CREBBP: variants seen among roughly 807,000 people sequenced by gnomAD.
The protein encoded by CREBBP is CREB-binding protein.
In CREBBP, 19 loss-of-function variants were observed where a neutral mutation model predicts 265.0. That is an observed-to-expected ratio of 0.07 (90% CI 0.05 to 0.11). The LOEUF (loss-of-function observed/expected upper bound fraction) is 0.11, where lower values mean the gene tolerates loss of function less well. Among genes scored for constraint, CREBBP ranks in the 10% least tolerant of loss-of-function variants. CREBBP has a pLI of 1.00. For synonymous variants in CREBBP, 1,457 were observed against 1,223.7 expected (o/e 1.19, Z -3.98); for missense variants, 2,525 against 3,219.0 (o/e 0.78, Z 5.22).
chr16:3,853,274 C>T (rs1178689248), intron 1 of CREBBP, among the ~76,000 whole-genome samples: 1 of 152,164 alleles, frequency 6.6e-6, no homozygotes, highest in Non-Finnish European at 1.5e-5. Context: ...ATTATTATTA[C>T]TGCTATCCAT....
intron 2 of CREBBP, among the ~76,000 whole-genome samples, chr16:3,831,725 G>T (rs974986059): frequency 1.3e-5 from 2 of 152,102 alleles, no homozygotes; most frequent in Admixed American, 6.6e-5. Flanking sequence ...GGCCGGGCAT[G>T]GTGGCTCACA....
intron 2 of CREBBP, among the ~76,000 whole-genome samples, chr16:3,845,106 T>C (rs987420307): frequency 1.3e-5 from 2 of 152,228 alleles, no homozygotes; most frequent in Non-Finnish European, 2.9e-5. Flanking sequence ...TAAATTTATC[T>C]AACACAGTGG....
intron 28 of CREBBP, among the ~76,000 whole-genome samples, chr16:3,735,426 A>T (rs2052030037): frequency 6.6e-6 from 1 of 152,026 alleles, no homozygotes; most frequent in South Asian, 2.1e-4. Flanking sequence ...CCTCCCTCGT[A>T]GCTGGGATTA....
chr16:3,877,218 A>G (rs938997721), intron 1 of CREBBP, among the ~76,000 whole-genome samples: 3 of 152,204 alleles, frequency 2.0e-5, no homozygotes, highest in Non-Finnish European at 4.4e-5. Context: ...ACATCCCGTC[A>G]CTAAAATAAG....
Position 3,850,958 on chromosome 16 carries a change from G to A in CREBBP, c.137C>T (p.Pro46Leu). ...LENDLPDELI[P>L]NGGELGLLNS... ...TAAAAGGCCTAATTCTCCTCCATTG[G>A]GTATCAGCTCATCAGGAAGATCATT... The change falls in exon 2 of 31, where the codon CCC becomes CTC. Residue 46 changes from proline (P) to leucine (L), a missense_variant. Pro to Leu is a moderately conservative substitution (Grantham distance 98). Around this residue, in one of 19 missense-constraint regions of CREBBP, gnomAD observed 356 missense variants for 340.4 expected, o/e 1.05. Transcript: ENST00000262367. 1.2e-6 allele frequency: 2 copies of A among 1,614,092 alleles called. No individual in the cohort carries two copies. Among genetic ancestry groups the A allele is most frequent in the Non-Finnish European group, 1.7e-6 (2 of 1,180,008 alleles).
At chr16:3,842,682 T>G (rs2054587031) in intron 2 of CREBBP, among the ~76,000 whole-genome samples, 1 of 152,042 alleles carries the variant, frequency 6.6e-6, no homozygotes, top group East Asian at 1.9e-4. Context: ...AGAAATGAGA[T>G]GGCAGTGCAC....
At chr16:3,852,165 T>TTG (rs1567364469) in intron 1 of CREBBP, among the ~76,000 whole-genome samples, 2 of 108,970 alleles carry the variant, frequency 1.8e-5, no homozygotes, top group Non-Finnish European at 4.1e-5. Flanking sequence ...TTGTTTTTTT[T>TTG]TTTTTTTTTT....
intron 14 of CREBBP, 142 bp from the exon 15 acceptor site, chr16:3,769,495 C>T (rs2052946717): frequency 9.7e-7 from 1 of 1,034,116 alleles, no homozygotes; most frequent in Non-Finnish European, 1.5e-6. Context: ...AACCGAAGAA[C>T]AGGGGTTAAA....
rs1368073022 is a variant in CREBBP, at chr16:3,782,782, T to G, written c.1475A>C (p.Tyr492Ser). 2 of 1,614,116 alleles carry G rather than the reference T, an allele frequency of 1.2e-6. No individual in the cohort carries two copies. The highest frequency in any genetic ancestry group is 3.3e-5 in the Admixed American group (2 of 60,004). ...QRAYAALGLP[Y>S]MNQPQTQLQP... Reference sequence around the variant, plus strand: ...CAGCTGCGTCTGGGGCTGGTTCATGTAGGGGAGTCCGAGAGCAGCATAGGC... The same window carrying G: ...CAGCTGCGTCTGGGGCTGGTTCATGGAGGGGAGTCCGAGAGCAGCATAGGC... The change falls in exon 6 of 31, where the codon TAC (tyrosine) becomes TCC (serine). Residue 492 changes from tyrosine (Y) to serine (S), a missense_variant. Coordinates refer to ENST00000262367, the MANE Select transcript of CREBBP (RefSeq NM_004380.3).
chr16:3,750,590 C>A, intron 20 of CREBBP, among the ~76,000 whole-genome samples: 1 of 152,168 alleles, frequency 6.6e-6, no homozygotes, highest in East Asian at 1.9e-4. Flanking sequence ...CTTTTTCTTG[C>A]CACACAGTGG....
At position 3,798,289 on chromosome 16, in the gene CREBBP, C is replaced by G. The variant is rs570789764; in HGVS notation, c.976-4663G>C. Among the ~76,000 whole-genome samples, 4 of 151,912 alleles carry G rather than the reference C, an allele frequency of 2.6e-5. No homozygotes were observed. The South Asian group carries it at 8.3e-4, about 32-fold the overall frequency. On this transcript the variant is annotated intron_variant, in intron 3 of 30. Coordinates refer to ENST00000262367, the MANE Select transcript of CREBBP (RefSeq NM_004380.3). ...GATTAGGCAGTTTCTTACTACGTCA[C>G]CAAAAGTGCAAGTGATAAAAGAAAA...
At chr16:3,768,831 T>C (rs2052927724) in intron 15 of CREBBP, among the ~76,000 whole-genome samples, 1 of 152,220 alleles carries the variant, frequency 6.6e-6, no homozygotes, top group Admixed American at 6.5e-5. Context: ...GCTTCTGCCA[T>C]AGGTTAATTA....
At chr16:3,754,118 G>T (rs576967186) in intron 19 of CREBBP, among the ~76,000 whole-genome samples, 33 of 144,526 alleles carry the variant, frequency 2.3e-4, no homozygotes, top group African/African-American at 9.0e-4. Flanking sequence ...GATCAGAACC[G>T]GGGAGGCAAA....
chr16:3,815,107 A>T (rs2054012820), intron 2 of CREBBP, among the ~76,000 whole-genome samples: 1 of 152,206 alleles, frequency 6.6e-6, no homozygotes, highest in African/African-American at 2.4e-5. Flanking sequence ...ATTCTCCATT[A>T]ATCAAACTGA....
At chr16:3,765,622 T>C (rs1217792520) in intron 16 of CREBBP, among the ~76,000 whole-genome samples, 1 of 152,204 alleles carries the variant, frequency 6.6e-6, no homozygotes. Flanking sequence ...AACTTGTACA[T>C]GGGCTTCACA....
rs192159365 is a variant in CREBBP at position 3,845,134 on chromosome 16, G to T, written c.798+5163C>A. On this transcript the variant is annotated intron_variant, in intron 2 of 30. Coordinates refer to ENST00000262367, the MANE Select transcript of CREBBP (RefSeq NM_004380.3). Reference sequence around the variant, plus strand: ...CACAGTGGGGTTCTCAACCCTGGCTGCCATGAAAGTCATCTGAGGAACTAC... The same window carrying T: ...CACAGTGGGGTTCTCAACCCTGGCTTCCATGAAAGTCATCTGAGGAACTAC... 1.1e-4 allele frequency among the ~76,000 whole-genome samples: 16 copies of T among 152,256 alleles called. No individual in the cohort carries two copies. In the East Asian group the frequency reaches 1.3e-3, roughly 13 times the overall value.
rs1257630431 is a variant in CREBBP at position 3,727,972 on chromosome 16, G to A, written c.7075C>T (p.Pro2359Ser). ...ATCCGTGGTGACGGGCTGGAATGTG[G>A]AGGCTGGGACTGGGGCCGTGGAGAC... ...VQSPRPQSQP[P>S]HSSPSPRIQP... The change falls in exon 31 of 31, where the codon CCA (proline) becomes TCA (serine). Residue 2359 changes from proline to serine, a missense_variant. Pro to Ser is a moderately conservative substitution (Grantham distance 74, BLOSUM62 -1). Coordinates refer to ENST00000262367, the MANE Select transcript of CREBBP (RefSeq NM_004380.3). 1 of 1,608,116 alleles carries A rather than the reference G, an allele frequency of 6.2e-7. No individual in the cohort carries two copies. Among genetic ancestry groups the A allele is most frequent in the Non-Finnish European group, 8.5e-7 (1 of 1,175,700 alleles).
intron 15 of CREBBP, among the ~76,000 whole-genome samples, chr16:3,768,399 G>A (rs1040948880): frequency 2.0e-5 from 3 of 151,832 alleles, no homozygotes; most frequent in Non-Finnish European, 2.9e-5. Flanking sequence ...CACCTGCCTC[G>A]GCCTCCCAAA....
Position 3,728,540 on chromosome 16 carries a change from C to T in CREBBP, c.6507G>A (p.Gln2169=), listed in dbSNP as rs1403072955. Residue 2169 remains glutamine, a synonymous_variant, in exon 31 of 31, where the codon CAG becomes CAA. Coordinates refer to ENST00000262367, the MANE Select transcript of CREBBP (RefSeq NM_004380.3). This position sits in a 1 kb window ranked among gnomAD's most constrained non-coding sequence, Gnocchi z 8.7. ...QAMGGLNPQG[Q]ALNIMNPGHN... Reference sequence around the variant, plus strand: ...GTCCTGGGTTCATGATGTTCAAGGCCTGGCCCTGGGGGTTCAGGCCTCCCA... The same window carrying T: ...GTCCTGGGTTCATGATGTTCAAGGCTTGGCCCTGGGGGTTCAGGCCTCCCA... The T allele has an allele frequency of 1.2e-6, 2 of 1,613,934 alleles. No homozygotes were observed. The highest frequency in any genetic ancestry group is 1.7e-6 in the Non-Finnish European group (2 of 1,180,016).
Sources: gnomAD v4.1 joint callset for allele counts (sites outside exome capture counted in the v4.1 genomes callset) on GRCh38, gnomAD v4.1.1 for gene constraint, gnomAD v4.1.1 regional missense constraint, Gnocchi (gnomAD v3.1) non-coding constraint, MANE v1.5 for transcripts, NCBI Gene and HGNC (gene_info 2026-07-23, HGNC 2026-07-21) for gene names.